Variants in ETFA observed in about 807,000 individuals in gnomAD.
ETFA encodes the protein electron transfer flavoprotein subunit alpha.
A neutral mutation model predicts 46.2 loss-of-function variants in ETFA; 22 were observed. The ratio of observed to expected loss-of-function variants is 0.48; its 90% CI spans 0.34 to 0.68. The LOEUF (loss-of-function observed/expected upper bound fraction) is 0.68. Among genes scored for constraint, ETFA ranks in the 30% least tolerant of loss-of-function variants. The probability of loss-of-function intolerance (pLI) is 0.01; values close to 1 mark genes in which losing one functional copy is unlikely to be tolerated. For missense variants in ETFA, 345 were observed against 401.1 expected, an observed-to-expected ratio of 0.86 and a Z score of 1.19; for synonymous variants, 131 against 139.9, an observed-to-expected ratio of 0.94 and a Z score of 0.45.
chr15:76,254,825 G>A (rs1240540844), intron 9 of ETFA, among the ~76,000 whole-genome samples: 2 of 152,106 alleles, frequency 1.3e-5, no homozygotes, highest in Non-Finnish European at 2.9e-5. Context: ...TTGTTCTCAG[G>A]ACAGTACAGC....
chr15:76,267,533 C>T (rs953886401), intron 9 of ETFA, among the ~76,000 whole-genome samples: 4 of 152,026 alleles, frequency 2.6e-5, no homozygotes, highest in East Asian at 1.9e-4. Context: ...AAAGCCCCCA[C>T]TGGAGCAGCC....
intron 1 of ETFA, among the ~76,000 whole-genome samples, chr15:76,308,878 A>G (rs934121292): frequency 2.6e-5 from 4 of 152,252 alleles, no homozygotes; most frequent in South Asian, 2.1e-4. Context: ...CATTTGCAAC[A>G]TACTTTCAAA....
At position 76,286,492 on chromosome 15, in the gene ETFA, CA is replaced by C. The variant is rs772169317; in HGVS notation, c.452-12del. ...TACATAGAGCATTTCCTGAAACATA[CA>C]ATCTATTTCTTAAAAGCAACAGCAA... On this transcript the variant is annotated splice_polypyrimidine_tract_variant and intron_variant, in intron 5 of 11. Transcript: ENST00000557943. 4.5e-6 allele frequency: 7 copies of C among 1,565,916 alleles called. No individual in the cohort carries two copies. Among genetic ancestry groups the C allele is most frequent in the Admixed American group, 1.7e-5 (1 of 59,678 alleles).
At chr15:76,227,154 T>C (rs1269826301) in intron 10 of ETFA, among the ~76,000 whole-genome samples, 1 of 152,058 alleles carries the variant, frequency 6.6e-6, no homozygotes, top group Non-Finnish European at 1.5e-5. Context: ...TCCCAGCACT[T>C]TGGGAGGTGG....
At chr15:76,259,443 A>G in intron 9 of ETFA, 1 of 1,012,154 alleles carries the variant, frequency 9.9e-7, no homozygotes, top group Non-Finnish European at 1.6e-6. Flanking sequence ...AACGTCCTCC[A>G]TACACTCTGG....
chr15:76,231,531 A>G, intron 9 of ETFA, 133 bp from the exon 10 acceptor site: 1 of 593,310 alleles, frequency 1.7e-6, no homozygotes, highest in Non-Finnish European at 2.9e-6. Flanking sequence ...TATTGCTTAA[A>G]TTATGCTTTT....
Position 76,288,920 on chromosome 15 carries a change from C to CTTTTTTTTTTTTTTTTTTTTTT in ETFA, c.352-976_352-975insAAAAAAAAAAAAAAAAAAAAAA, listed in dbSNP as rs35295593. On this transcript the variant is annotated intron_variant, in intron 4 of 11. Transcript: ENST00000557943. ...TCAGTTAATTCTTCTTCTTCTTCTT[C>CTTTTTTTTTTTTTTTTTTTTTT]TTTTTTTTTTTTTTTGGAAACAGGG... Among the ~76,000 whole-genome samples, 2 of 110,118 alleles carry CTTTTTTTTTTTTTTTTTTTTTT rather than the reference C, an allele frequency of 1.8e-5. 1 individual carries two copies. The highest frequency in any genetic ancestry group is 6.7e-5 in the African/African-American group (2 of 29,810). The allele number at this position is 110,118 out of a possible 152,430, so 72.2% of individuals were successfully genotyped here. A position where few individuals can be genotyped will look rare whatever the true frequency, so the allele number is the denominator to read the frequency against.
intron 1 of ETFA, among the ~76,000 whole-genome samples, chr15:76,301,399 G>A (rs1483802752): frequency 1.3e-5 from 2 of 152,186 alleles, no homozygotes; most frequent in Non-Finnish European, 2.9e-5. Flanking sequence ...AATAAGGGAA[G>A]TGAACATTTT....
chr15:76,260,424 G>A, intron 9 of ETFA: 1 of 1,585,722 alleles, frequency 6.3e-7, no homozygotes, highest in Admixed American at 1.7e-5. Context: ...AGGTACCCAG[G>A]ATGTGCGGCT....
Position 76,255,434 on chromosome 15 carries a change from A to T in ETFA, c.816+18978T>A, listed in dbSNP as rs187601251. On this transcript the variant is annotated intron_variant, in intron 9 of 11. Coordinates refer to ENST00000557943, the MANE Select transcript of ETFA (RefSeq NM_000126.4). The stretch of plus-strand genomic sequence containing the variant: ...AGTTATCATATTTCATTGGTTAGAG[A>T]AGTATAGTTGCTGAGAGACTAATAA... Among the ~76,000 whole-genome samples the T allele has an allele frequency of 4.8e-4, 73 of 152,346 alleles. No homozygotes were observed. The East Asian group carries it at 0.013, about 26-fold the overall frequency.
chr15:76,223,541 A>G (rs2038978019), intron 11 of ETFA, among the ~76,000 whole-genome samples: 1 of 152,132 alleles, frequency 6.6e-6, no homozygotes, highest in Non-Finnish European at 1.5e-5. Flanking sequence ...CAGAACTTCT[A>G]AGCTGTAGGA....
At chr15:76,260,860 A>C in intron 9 of ETFA, 1 of 1,611,808 alleles carries the variant, frequency 6.2e-7, no homozygotes, top group South Asian at 1.1e-5. Context: ...CGGAGCAGGC[A>C]GGTAAAGGGG....
At chr15:76,267,481 T>C (rs1190112095) in intron 9 of ETFA, among the ~76,000 whole-genome samples, 2 of 152,214 alleles carry the variant, frequency 1.3e-5, no homozygotes, top group Non-Finnish European at 2.9e-5. Flanking sequence ...GATATTTCCA[T>C]TTCTATAATT....
At chr15:76,245,839 A>C (rs896203400) in intron 9 of ETFA, among the ~76,000 whole-genome samples, 4 of 152,246 alleles carry the variant, frequency 2.6e-5, no homozygotes, top group Admixed American at 1.3e-4. Context: ...AAGGCAATCT[A>C]GAAATAAGTA....
chr15:76,309,224 C>A (rs1490490604), intron 1 of ETFA, among the ~76,000 whole-genome samples: 1 of 152,066 alleles, frequency 6.6e-6, no homozygotes, highest in African/African-American at 2.4e-5. Flanking sequence ...CCAAGGCGGG[C>A]GGATCATGAG....
intron 7 of ETFA, among the ~76,000 whole-genome samples, chr15:76,285,238 C>T (rs2039694817): frequency 6.6e-6 from 1 of 152,028 alleles, no homozygotes; most frequent in South Asian, 2.1e-4. Context: ...AAGACATGGA[C>T]AACTCTGGAA....
At chr15:76,242,533 C>A (rs181848258) in intron 9 of ETFA, among the ~76,000 whole-genome samples, 3 of 152,290 alleles carry the variant, frequency 2.0e-5, no homozygotes, top group Admixed American at 1.3e-4. Context: ...CTCAGCAATT[C>A]CAATCCTAAG....
chr15:76,285,009 C>A (rs2039693118), intron 7 of ETFA: 1 of 284,190 alleles, frequency 3.5e-6, no homozygotes, highest in South Asian at 2.7e-5. Flanking sequence ...ATGATACTTG[C>A]AATAGAAGGC....
intron 9 of ETFA, chr15:76,259,524 G>A: frequency 2.4e-6 from 2 of 845,148 alleles, no homozygotes; most frequent in Non-Finnish European, 4.2e-6. Context: ...AGCGTATGGT[G>A]TCTGCCCACG....
Sources: allele counts gnomAD v4.1 joint callset (sites outside exome capture counted in the v4.1 genomes callset), GRCh38; gene constraint gnomAD v4.1.1; transcripts MANE v1.5; gene names NCBI Gene and HGNC (gene_info 2026-07-23, HGNC 2026-07-21).